LIPI: variants seen among roughly 807,000 people sequenced by gnomAD.
LIPI encodes the protein lipase member I.
Under a neutral mutation model 50.6 loss-of-function variants are expected in LIPI, and 59 were observed. The observed-to-expected ratio is 1.16, with a 90% CI of 0.94 to 1.45. LIPI has a LOEUF of 1.45. Among genes scored for constraint, LIPI ranks in the 40% most tolerant of loss-of-function variants. The pLI, the probability that LIPI is intolerant of heterozygous loss-of-function variation, is 0.00. For missense variants in LIPI, 586 were observed against 536.3 expected, an observed-to-expected ratio of 1.09 and a Z score of -0.92; for synonymous variants, 203 against 178.2, an observed-to-expected ratio of 1.14 and a Z score of -1.11.
At chr21:14,173,417 T>C (rs1406036787) in intron 4 of LIPI, among the ~76,000 whole-genome samples, 1 of 152,174 alleles carries the variant, frequency 6.6e-6, no homozygotes, top group Non-Finnish European at 1.5e-5. Flanking sequence ...GCCCTGTAGA[T>C]CATTGGACCA....
chr21:14,115,383 G>A (rs550984780), intron 9 of LIPI, among the ~76,000 whole-genome samples: 4 of 152,160 alleles, frequency 2.6e-5, no homozygotes, highest in South Asian at 2.1e-4. Context: ...CATAGCTCCC[G>A]GCCACTGACA....
chr21:14,123,215 G>A (rs571424732), intron 9 of LIPI, among the ~76,000 whole-genome samples: 4 of 152,320 alleles, frequency 2.6e-5, no homozygotes, highest in Admixed American at 6.5e-5. Context: ...TCAGACTCCC[G>A]TAGGAGATAC....
rs571480193 is a variant in LIPI at position 14,163,543 on chromosome 21, A to G, written c.902-20T>C. ...GATAACCTGAGATTTGAGAAATAGA[A>G]CATTAGAAATTGGATTTCCATCAAA... On this transcript the variant is annotated intron_variant, in intron 6 of 9. Coordinates refer to ENST00000681601, the MANE Select transcript of LIPI (RefSeq NM_001302998.2). 1 of 1,158,796 alleles carries G rather than the reference A, an allele frequency of 8.6e-7. No individual in the cohort carries two copies. The highest frequency in any genetic ancestry group is 2.3e-5 in the East Asian group (1 of 42,658). 71.8% of individuals were successfully genotyped at this position (1,158,796 alleles called of 1,614,324 possible). A position where few individuals can be genotyped will look rare whatever the true frequency, so the allele number is the denominator to read the frequency against.
intron 8 of LIPI, among the ~76,000 whole-genome samples, chr21:14,150,126 C>T (rs1018895960): frequency 6.6e-6 from 1 of 152,198 alleles, no homozygotes; most frequent in Non-Finnish European, 1.5e-5. Flanking sequence ...TCCACACACC[C>T]TCTGAAATCT....
intron 9 of LIPI, among the ~76,000 whole-genome samples, chr21:14,140,896 A>G (rs922397407): frequency 6.6e-6 from 1 of 152,160 alleles, no homozygotes; most frequent in African/African-American, 2.4e-5. Context: ...TTGATTAGGA[A>G]CAACCAAGCA....
intron 4 of LIPI, among the ~76,000 whole-genome samples, chr21:14,181,133 C>G (rs2019255300): frequency 6.6e-6 from 1 of 152,154 alleles, no homozygotes; most frequent in Non-Finnish European, 1.5e-5. Flanking sequence ...ACTCAAAACA[C>G]TGCCTAATGT....
chr21:14,194,323 A>G (rs1342611325), intron 1 of LIPI, among the ~76,000 whole-genome samples: 1 of 152,312 alleles, frequency 6.6e-6, no homozygotes, highest in Middle Eastern at 3.4e-3. Context: ...AAGAATTGAA[A>G]ACAGTAACTG....
At chr21:14,154,275 AGTC>A (rs1028280752) in intron 7 of LIPI, among the ~76,000 whole-genome samples, 2 of 152,140 alleles carry the variant, frequency 1.3e-5, no homozygotes, top group African/African-American at 4.8e-5. Flanking sequence ...AAACAAGAGA[AGTC>A]GTATTTTCAA....
intron 9 of LIPI, 92 bp from the exon 10 acceptor site, chr21:14,109,172 A>T (rs1016909187): frequency 9.1e-6 from 9 of 990,204 alleles, no homozygotes; most frequent in Non-Finnish European, 1.1e-5. Flanking sequence ...AGAATAGTCC[A>T]TGCCTGTAAC....
intron 4 of LIPI, among the ~76,000 whole-genome samples, chr21:14,168,668 AG>A (rs1283794006): frequency 6.6e-6 from 1 of 152,210 alleles, no homozygotes; most frequent in Non-Finnish European, 1.5e-5. Flanking sequence ...AAATGCTGAG[AG>A]ATTTTTGTCA....
Position 14,152,557 on chromosome 21 carries a change from A to G in LIPI, c.1118+16T>C. ...CATTGAATATATGAGAGAAGAAAATAGTAAATTTTACTTACTCATAAAGCC... is the reference window on the plus strand; with the variant it reads ...CATTGAATATATGAGAGAAGAAAATGGTAAATTTTACTTACTCATAAAGCC... On this transcript the variant is annotated intron_variant, in intron 8 of 9. Transcript: ENST00000681601. 3 of 1,219,670 alleles carry G rather than the reference A, an allele frequency of 2.5e-6. No homozygotes were observed. The highest frequency in any genetic ancestry group is 3.6e-6 in the Non-Finnish European group (3 of 827,434). 75.6% of individuals were successfully genotyped at this position (1,219,670 alleles called of 1,614,324 possible).
In LIPI at chr21:14,149,634, G is replaced by C. The variant is rs189127942; in HGVS notation, c.1118+2939C>G. On this transcript the variant is annotated intron_variant, in intron 8 of 9. Transcript: ENST00000681601. ...TTAGTTACTTCCTAGATACAATGGG[G>C]GTACAAGCATTGGGTAAATACACCC... Among the ~76,000 whole-genome samples the C allele has an allele frequency of 2.6e-5, 4 of 152,232 alleles. No individual in the cohort carries two copies. The South Asian group carries it at 8.3e-4, about 32-fold the overall frequency.
intron 1 of LIPI, among the ~76,000 whole-genome samples, chr21:14,191,462 A>G (rs2019674169): frequency 6.6e-6 from 1 of 152,002 alleles, no homozygotes; most frequent in South Asian, 2.1e-4. Flanking sequence ...AAAAGAATAT[A>G]TATGATATGT....
At chr21:14,191,528 A>T (rs1055394740) in intron 1 of LIPI, among the ~76,000 whole-genome samples, 1 of 152,098 alleles carries the variant, frequency 6.6e-6, no homozygotes, top group Non-Finnish European at 1.5e-5. Context: ...AACTTTTTTT[A>T]AAAAGTAACA....
chr21:14,165,983 G>T (rs117523131), intron 5 of LIPI, among the ~76,000 whole-genome samples: 1,561 of 152,288 alleles, frequency 0.01, 15 homozygotes, highest in Non-Finnish European at 0.017. Context: ...CAAGTGTCAA[G>T]AGTTTTTACA....
At chr21:14,142,142 G>C (rs931881851) in intron 9 of LIPI, among the ~76,000 whole-genome samples, 1 of 152,022 alleles carries the variant, frequency 6.6e-6, no homozygotes, top group Non-Finnish European at 1.5e-5. Context: ...TGGAGGCTTT[G>C]CATCTTCAAA....
At chr21:14,161,095 C>T (rs981021448) in intron 7 of LIPI, among the ~76,000 whole-genome samples, 1 of 151,166 alleles carries the variant, frequency 6.6e-6, no homozygotes, top group African/African-American at 2.4e-5. Flanking sequence ...CAATTAGTTT[C>T]TGTCCCAGCA....
At chr21:14,117,386 T>C (rs1056026801) in intron 9 of LIPI, among the ~76,000 whole-genome samples, 1 of 152,142 alleles carries the variant, frequency 6.6e-6, no homozygotes, top group African/African-American at 2.4e-5. Context: ...TGCAGAGTAA[T>C]ACAAGTGGCT....
intron 1 of LIPI, among the ~76,000 whole-genome samples, chr21:14,191,751 C>T (rs958226958): frequency 6.6e-6 from 1 of 152,072 alleles, no homozygotes; most frequent in Non-Finnish European, 1.5e-5. Flanking sequence ...AAATGTAGGG[C>T]GTGCCCTAGA....
Sources: allele counts gnomAD v4.1 joint callset (sites outside exome capture counted in the v4.1 genomes callset), GRCh38; gene constraint gnomAD v4.1.1; transcripts MANE v1.5; gene names NCBI Gene and HGNC (gene_info 2026-07-23, HGNC 2026-07-21).